The following NME3 variants were observed in gnomAD, a reference collection of about 807,000 sequenced individuals.
NME3 encodes the protein nucleoside diphosphate kinase C.
In NME3, 23 loss-of-function variants were observed where a neutral mutation model predicts 15.8. The ratio of observed to expected loss-of-function variants is 1.45; its 90% CI spans 1.05 to 2.06. NME3 has a LOEUF of 2.06. NME3 is among the 30% of genes most tolerant of loss of function. The pLI is 0.00. For missense variants in NME3, 354 were observed against 243.2 expected, an observed-to-expected ratio of 1.46 and a Z score of -3.03; for synonymous variants, 157 against 104.4, an observed-to-expected ratio of 1.50 and a Z score of -3.07.
chr16:1,771,367 C>CA lies in NME3; in HGVS notation c.89_90insT (p.Asp31GlyfsTer37), dbSNP rs1241083242. Reference sequence around the variant, plus strand: ...CCACCAGCCGCCGCTGCACGCCGTCCGGCTTCACGGCCAGGAAGGTGCGTT... The same window carrying CA: ...CCACCAGCCGCCGCTGCACGCCGTCCAGGCTTCACGGCCAGGAAGGTGCGTT... On this transcript the variant is annotated frameshift_variant, in exon 2 of 5. Transcript: ENST00000219302. LOFTEE classifies it high-confidence loss of function. 1 of 1,576,496 alleles carries CA rather than the reference C, an allele frequency of 6.3e-7. No individual in the cohort carries two copies. The highest frequency in any genetic ancestry group is 1.4e-5 in the African/African-American group (1 of 73,848).
rs73483717 is a variant in NME3 at position 1,770,464 on chromosome 16, G to C, written c.*185C>G. Reference sequence around the variant, plus strand: ...GCTCCTGGAGCAGCTCCTCGGGCAGGAAACCCTGTACGCCAGGGATTGGAG... The same window carrying C: ...GCTCCTGGAGCAGCTCCTCGGGCAGCAAACCCTGTACGCCAGGGATTGGAG... On this transcript the variant is annotated 3_prime_UTR_variant, in exon 5 of 5. Coordinates refer to ENST00000219302, the MANE Select transcript of NME3 (RefSeq NM_002513.3). The C allele has an allele frequency of 9.1e-3, 4,334 of 476,324 alleles. 168 individuals are homozygous for C. Among genetic ancestry groups the C allele is most frequent in the African/African-American group, 0.076 (3,785 of 49,832 alleles). 29.5% of individuals were successfully genotyped at this position (476,324 alleles called of 1,614,324 possible).
At position 1,770,743 on chromosome 16, in the gene NME3, G is replaced by A. The variant is rs1376443412; in HGVS notation, c.416C>T (p.Ser139Leu). 16 of 1,597,612 alleles carry A rather than the reference G, an allele frequency of 1.0e-5. No homozygotes were observed. The highest frequency in any genetic ancestry group is 2.3e-5 in the East Asian group (1 of 43,896). Residue 139 changes from serine (S) to leucine (L), a missense_variant, in exon 5 of 5, where the codon TCG becomes TTG. Transcript: ENST00000219302. The part of the protein sequence containing the change: ...VGKNLIHGSD[S>L]VESARREIAL... Reference sequence around the variant, plus strand: ...GATCTCGCGGCGGGCACTCTCCACCGAGTCGCTGCCGTGAATCAGGTTCCT... The same window carrying A: ...GATCTCGCGGCGGGCACTCTCCACCAAGTCGCTGCCGTGAATCAGGTTCCT...
chr16:1,770,452 C>G lies in NME3; in HGVS notation c.*197G>C. The G allele has an allele frequency of 2.1e-6, 1 of 475,058 alleles. No homozygotes were observed. The highest frequency in any genetic ancestry group is 3.7e-6 in the Non-Finnish European group (1 of 271,008). The allele number at this position is 475,058 out of a possible 1,614,324, so 29.4% of individuals were successfully genotyped here. On this transcript the variant is annotated 3_prime_UTR_variant, in exon 5 of 5. Transcript: ENST00000219302. ...CGAGCCGCGCAGGCTCCTGGAGCAG[C>G]TCCTCGGGCAGGAAACCCTGTACGC... is the stretch of plus-strand genomic sequence containing the variant.
At position 1,771,142 on chromosome 16, in the gene NME3, G is replaced by A. The variant is rs963531975; in HGVS notation, c.207C>T (p.Tyr69=). 3.1e-6 allele frequency: 5 copies of A among 1,607,318 alleles called. No homozygotes were observed. In the African/African-American group the frequency reaches 5.3e-5, roughly 17 times the overall value. The change falls in exon 3 of 5, where the codon TAC becomes TAT. Residue 69 remains tyrosine (Y), a synonymous_variant. Transcript: ENST00000219302. The part of the protein sequence containing the change: ...QASEELLREH[Y]AELRERPFYG... ...AGAACGGGCGTTCACGCAGCTCGGCGTAGTGCTCACGCAGCAGCTCCTCGG... is the reference window on the plus strand; with the variant it reads ...AGAACGGGCGTTCACGCAGCTCGGCATAGTGCTCACGCAGCAGCTCCTCGG...
rs1333620506 is a variant in NME3, at chr16:1,770,927, C to T, written c.346G>A (p.Ala116Thr). The change falls in exon 4 of 5, where the codon GCC becomes ACC. Residue 116 changes from alanine to threonine, a missense_variant. By Grantham distance (58) the Ala-to-Thr change is moderately conservative (BLOSUM62 0). Transcript: ENST00000219302. ...ALIGATNPAD[A>T]PPGTIRGDFC... Reference sequence around the variant, plus strand: ...TCCCCGCGGATGGTGCCGGGCGGGGCGTCGGCCGGGTTCGTGGCTCCGATG... The same window carrying T: ...TCCCCGCGGATGGTGCCGGGCGGGGTGTCGGCCGGGTTCGTGGCTCCGATG... The T allele has an allele frequency of 2.5e-6, 4 of 1,587,636 alleles. No homozygotes were observed. Among genetic ancestry groups the T allele is most frequent in the Admixed American group, 1.7e-5 (1 of 58,260 alleles).
Position 1,770,935 on chromosome 16 carries a change from G to A in NME3, c.338C>T (p.Pro113Leu), listed in dbSNP as rs1234494718. 1.9e-6 allele frequency: 3 copies of A among 1,588,250 alleles called. No individual in the cohort carries two copies. The highest frequency in any genetic ancestry group is 2.3e-5 in the East Asian group (1 of 44,332). ...GATGGTGCCGGGCGGGGCGTCGGCC[G>A]GGTTCGTGGCTCCGATGAGCGCCCG... is the stretch of plus-strand genomic sequence containing the variant. ...TSRALIGATN[P>L]ADAPPGTIRG... The change falls in exon 4 of 5, where the codon CCG becomes CTG. Residue 113 changes from proline to leucine, a missense_variant. By Grantham distance (98) the Pro-to-Leu change is moderately conservative. Coordinates refer to ENST00000219302, the MANE Select transcript of NME3 (RefSeq NM_002513.3).
chr16:1,770,866 C>T lies in NME3; in HGVS notation c.392+15G>A, dbSNP rs747568922. On this transcript the variant is annotated intron_variant, in intron 4 of 4. Transcript: ENST00000219302. Reference sequence around the variant, plus strand: ...GGCCGGACGGGGCTGGGACCGTCCCCGGGGCGGGCCTTACTTGCCAACCTC... The same window carrying T: ...GGCCGGACGGGGCTGGGACCGTCCCTGGGGCGGGCCTTACTTGCCAACCTC... 7 of 1,565,614 alleles carry T rather than the reference C, an allele frequency of 4.5e-6. No individual in the cohort carries two copies. The highest frequency in any genetic ancestry group is 4.5e-5 in the East Asian group (2 of 44,150).
intron 3 of NME3, 22 bp downstream of exon 3, chr16:1,771,048 C>T: frequency 1.3e-6 from 2 of 1,598,914 alleles, no homozygotes. Flanking sequence ...CGGAGCCGCC[C>T]GCCCGCTTCC....
chr16:1,770,395 G>A lies in NME3; in HGVS notation c.*254C>T. ...AAAACGTTGGACCACGTTGGGCTGGGCACCAGGACAGTGTCCTGGCACGTT... is the reference window on the plus strand; with the variant it reads ...AAAACGTTGGACCACGTTGGGCTGGACACCAGGACAGTGTCCTGGCACGTT... On this transcript the variant is annotated 3_prime_UTR_variant, in exon 5 of 5. Transcript: ENST00000219302. 4.9e-6 allele frequency: 2 copies of A among 411,602 alleles called. No individual in the cohort carries two copies. Among genetic ancestry groups the A allele is most frequent in the Admixed American group, 4.0e-5 (1 of 24,696 alleles). The allele number at this position is 411,602 out of a possible 1,614,324, so 25.5% of individuals were successfully genotyped here. A position where few individuals can be genotyped will look rare whatever the true frequency, so the allele number is the denominator to read the frequency against.
In NME3 at chr16:1,770,928, GTCGGC is replaced by G; in HGVS notation, c.340_344del (p.Ala114ArgfsTer54). The G allele has an allele frequency of 6.3e-7, 1 of 1,587,468 alleles. No individual in the cohort carries two copies. Among genetic ancestry groups the G allele is most frequent in the Non-Finnish European group, 8.6e-7 (1 of 1,163,348 alleles). On this transcript the variant is annotated frameshift_variant, in exon 4 of 5. Coordinates refer to ENST00000219302, the MANE Select transcript of NME3 (RefSeq NM_002513.3). LOFTEE classifies it low-confidence loss of function (END_TRUNC). Reference sequence around the variant, plus strand: ...CCCCGCGGATGGTGCCGGGCGGGGCGTCGGCCGGGTTCGTGGCTCCGATGAGCGCC... The same window carrying G: ...CCCCGCGGATGGTGCCGGGCGGGGCGCGGGTTCGTGGCTCCGATGAGCGCC...
chr16:1,771,358 C>A lies in NME3; in HGVS notation c.99G>T (p.Val33=). ...CAATCTCGCCCACCAGCCGCCGCTG[C>A]ACGCCGTCCGGCTTCACGGCCAGGA... ...RTFLAVKPDG[V]QRRLVGEIVR... Residue 33 remains valine (V), a synonymous_variant, in exon 2 of 5, where the codon GTG becomes GTT. Coordinates refer to ENST00000219302, the MANE Select transcript of NME3 (RefSeq NM_002513.3). The A allele has an allele frequency of 6.3e-7, 1 of 1,587,400 alleles. No homozygotes were observed. Among genetic ancestry groups the A allele is most frequent in the South Asian group, 1.1e-5 (1 of 87,692 alleles).
rs1474842416 is a variant in NME3, at chr16:1,771,352, C to T, written c.105G>A (p.Arg35=). The change falls in exon 2 of 5, where the codon CGG becomes CGA. Residue 35 remains arginine (R), a synonymous_variant. Transcript: ENST00000219302. ...FLAVKPDGVQ[R]RLVGEIVRRF... ...GCCGCACAATCTCGCCCACCAGCCG[C>T]CGCTGCACGCCGTCCGGCTTCACGG... The T allele has an allele frequency of 6.3e-7, 1 of 1,589,716 alleles. No individual in the cohort carries two copies. The highest frequency in any genetic ancestry group is 8.5e-7 in the Non-Finnish European group (1 of 1,169,634).
Position 1,771,500 on chromosome 16 carries a change from A to G in NME3, c.35T>C (p.Leu12Pro). The G allele has an allele frequency of 7.7e-7, 1 of 1,305,604 alleles. No individual in the cohort carries two copies. 80.9% of individuals were successfully genotyped at this position (1,305,604 alleles called of 1,614,324 possible). The change falls in exon 1 of 5, where the codon CTC becomes CCC. Residue 12 changes from leucine to proline, a missense_variant. By Grantham distance (98) the Leu-to-Pro change is moderately conservative. Transcript: ENST00000219302. The part of the protein sequence containing the change: ...ICLVLTIFAN[L>P]FPAACTGAHE... The stretch of plus-strand genomic sequence containing the variant: ...GCCGCGCGGCTCACCCGCGGGGAAG[A>G]GGTTAGCGAAGATGGTCAGCACCAG...
chr16:1,771,270 G>C lies in NME3; in HGVS notation c.177+10C>G, dbSNP rs1251548621. 3 of 1,539,046 alleles carry C rather than the reference G, an allele frequency of 1.9e-6. No homozygotes were observed. The highest frequency in any genetic ancestry group is 2.7e-6 in the Non-Finnish European group (3 of 1,126,972). ...CACACCGCGCCCCCGCTCGCTCACC[G>C]CGCCCCCACCTGCACCAGCTTCAGC... On this transcript the variant is annotated intron_variant, in intron 2 of 4. Transcript: ENST00000219302.
rs1311340674 is a variant in NME3 at position 1,771,124 on chromosome 16, G to C, written c.225C>G (p.Arg75=). The part of the protein sequence containing the change: ...LREHYAELRE[R]PFYGRLVKYM... ...ACTTGACAAGGCGGCCGTAGAACGG[G>C]CGTTCACGCAGCTCGGCGTAGTGCT... Residue 75 remains arginine (R), a synonymous_variant, in exon 3 of 5, where the codon CGC becomes CGG. Transcript: ENST00000219302. 11 of 1,609,482 alleles carry C rather than the reference G, an allele frequency of 6.8e-6. No homozygotes were observed. Among genetic ancestry groups the C allele is most frequent in the Admixed American group, 1.7e-5 (1 of 59,924 alleles).
rs1244185862 is a variant in NME3 at position 1,770,930 on chromosome 16, C to T, written c.343G>A (p.Asp115Asn). ...RALIGATNPA[D>N]APPGTIRGDF... ...CCGCGGATGGTGCCGGGCGGGGCGT[C>T]GGCCGGGTTCGTGGCTCCGATGAGC... The change falls in exon 4 of 5, where the codon GAC becomes AAC. Residue 115 changes from aspartate (D) to asparagine (N), a missense_variant. Transcript: ENST00000219302. The T allele has an allele frequency of 2.5e-6, 4 of 1,587,792 alleles. No individual in the cohort carries two copies. The highest frequency in any genetic ancestry group is 3.4e-5 in the Admixed American group (2 of 58,266).
Position 1,771,351 on chromosome 16 carries a change from G to T in NME3, c.106C>A (p.Arg36=), listed in dbSNP as rs1336435090. The T allele has an allele frequency of 2.5e-6, 4 of 1,589,044 alleles. No individual in the cohort carries two copies. The highest frequency in any genetic ancestry group is 3.4e-6 in the Non-Finnish European group (4 of 1,169,326). Residue 36 remains arginine (R), a synonymous_variant, in exon 2 of 5, where the codon CGG becomes AGG. Transcript: ENST00000219302. ...LAVKPDGVQR[R]LVGEIVRRFE... ...CGCCGCACAATCTCGCCCACCAGCCGCCGCTGCACGCCGTCCGGCTTCACG... is the reference window on the plus strand; with the variant it reads ...CGCCGCACAATCTCGCCCACCAGCCTCCGCTGCACGCCGTCCGGCTTCACG...
rs2042603995 is a variant in NME3 at position 1,771,528 on chromosome 16, A to T, written c.7T>A (p.Cys3Ser). The change falls in exon 1 of 5, where the codon TGC becomes AGC. Residue 3 changes from cysteine to serine, a missense_variant. Transcript: ENST00000219302. ...TTAGCGAAGATGGTCAGCACCAGGC[A>T]GATCATGATGGCGGTGCGGGAGCGG... MI[C>S]LVLTIFANLF... 3 of 1,178,234 alleles carry T rather than the reference A, an allele frequency of 2.5e-6. No homozygotes were observed. In the South Asian group the frequency reaches 1.0e-4, roughly 41 times the overall value. The allele number at this position is 1,178,234 out of a possible 1,614,324, so 73.0% of individuals were successfully genotyped here. A position where few individuals can be genotyped will look rare whatever the true frequency, so the allele number is the denominator to read the frequency against.
intron 2 of NME3, 54 bp from the exon 3 acceptor site, chr16:1,771,225 G>GTCCCCGC (rs1214289261): frequency 3.1e-5 from 48 of 1,567,954 alleles, no homozygotes; most frequent in Non-Finnish European, 4.0e-5. Context: ...GCGTCCCCAG[G>GTCCCCGC]TCCCCGCTCC....
Sources: allele counts gnomAD v4.1 joint callset, GRCh38; gene constraint gnomAD v4.1.1; transcripts MANE v1.5; gene names NCBI Gene and HGNC (gene_info 2026-07-23, HGNC 2026-07-21).